The following PREX2 variants were observed in gnomAD, a reference collection of about 807,000 sequenced individuals.
PREX2 encodes phosphatidylinositol 3,4,5-trisphosphate-dependent Rac exchanger 2 protein.
PREX2 carries 107 observed loss-of-function variants against 203.2 expected under a neutral mutation model. That is an observed-to-expected ratio of 0.53 (90% CI 0.45 to 0.62). The LOEUF (loss-of-function observed/expected upper bound fraction) is 0.62, where lower values mean the gene tolerates loss of function less well. Ranked by LOEUF, PREX2 falls within the 20% of genes least tolerant of loss-of-function variation. The pLI is 0.00. For missense variants in PREX2, 1,777 were observed against 1,955.9 expected (o/e 0.91, Z 1.72); for synonymous variants, 672 against 663.6 (o/e 1.01, Z -0.19).
intron 1 of PREX2, among the ~76,000 whole-genome samples, chr8:67,969,644 G>A (rs916481705): frequency 3.3e-5 from 5 of 152,176 alleles, no homozygotes; most frequent in Non-Finnish European, 7.3e-5. Context: ...GTTTATTAAT[G>A]TTTTATGATT....
intron 3 of PREX2, among the ~76,000 whole-genome samples, chr8:68,020,835 C>G (rs1053261148): frequency 1.3e-5 from 2 of 152,172 alleles, no homozygotes; most frequent in Non-Finnish European, 2.9e-5. Context: ...CTTAGTAACA[C>G]CTTATGAATC....
At chr8:68,200,438 T>C (rs1262171277) in intron 37 of PREX2, among the ~76,000 whole-genome samples, 1 of 152,066 alleles carries the variant, frequency 6.6e-6, no homozygotes, top group African/African-American at 2.4e-5. Context: ...TAAAATTTAT[T>C]CTAATTTAGT....
intron 35 of PREX2, among the ~76,000 whole-genome samples, chr8:68,182,610 A>G (rs973211324): frequency 8.6e-5 from 13 of 152,028 alleles, no homozygotes; most frequent in African/African-American, 3.1e-4. Context: ...GATTTTATGT[A>G]TATATATAGT....
At chr8:68,041,405 T>C (rs1808194907) in intron 7 of PREX2, among the ~76,000 whole-genome samples, 1 of 152,170 alleles carries the variant, frequency 6.6e-6, no homozygotes, top group East Asian at 1.9e-4. Flanking sequence ...AATTCTGCCA[T>C]GTGGATTGTA....
rs375102708 is a variant in PREX2, at chr8:68,188,600, TG to T, written c.4347-3118del. Among the ~76,000 whole-genome samples, 63 of 152,298 alleles carry T rather than the reference TG, an allele frequency of 4.1e-4. No homozygotes were observed. The East Asian group carries it at 0.012, about 29-fold the overall frequency. ...TAATGGACTCATAGTTCCACGTGGC[TG>T]GGGAGGCCTCACAATCATGGCTGAA... On this transcript the variant is annotated intron_variant, in intron 35 of 39. Transcript: ENST00000288368.
intron 35 of PREX2, among the ~76,000 whole-genome samples, chr8:68,160,870 G>A (rs749121892): frequency 3.3e-5 from 5 of 151,774 alleles, no homozygotes; most frequent in Non-Finnish European, 5.9e-5. Flanking sequence ...TTACTCAAAA[G>A]GTAAACAAAA....
intron 10 of PREX2, among the ~76,000 whole-genome samples, 188 bp downstream of exon 10, chr8:68,056,162 A>G (rs1012881141): frequency 6.6e-6 from 1 of 152,118 alleles, no homozygotes; most frequent in African/African-American, 2.4e-5. Flanking sequence ...ATGACCAGGA[A>G]ACTTAAGGCA....
At chr8:68,020,396 A>G (rs1383354028) in intron 3 of PREX2, among the ~76,000 whole-genome samples, 2 of 152,044 alleles carry the variant, frequency 1.3e-5, no homozygotes, top group African/African-American at 4.8e-5. Context: ...TAATTTTGAG[A>G]ATACCAGTAT....
intron 32 of PREX2, among the ~76,000 whole-genome samples, chr8:68,136,425 C>G (rs1169595267): frequency 3.3e-5 from 5 of 152,176 alleles, no homozygotes; most frequent in African/African-American, 7.2e-5. Context: ...ATGTGAATGG[C>G]TCTAGGAGCA....
rs148257020 is a variant in PREX2 at position 68,191,297 on chromosome 8, A to T, written c.4347-425A>T. Among the ~76,000 whole-genome samples, 479 of 152,324 alleles carry T rather than the reference A, an allele frequency of 3.1e-3. 5 individuals carry two copies. The highest frequency in any genetic ancestry group is 0.01 in the African/African-American group (427 of 41,580). ...TCTCACAATAAATGAAAATTGGATA[A>T]CGTTCTTCAATAGTCACAAAAATGT... On this transcript the variant is annotated intron_variant, in intron 35 of 39. Transcript: ENST00000288368.
At chr8:68,100,572 G>T (rs189288461) in intron 23 of PREX2, among the ~76,000 whole-genome samples, 4 of 152,304 alleles carry the variant, frequency 2.6e-5, no homozygotes, top group Admixed American at 2.6e-4. Flanking sequence ...ATTGGAGAGA[G>T]AAGCCTCCAG....
Position 68,037,838 on chromosome 8 carries a change from A to C in PREX2, c.706-321A>C, listed in dbSNP as rs1486985057. ...AAAGAAAGAGAAATTATAATTGTTAACATTATGAATTAATTTGAAGTCATC... is the reference window on the plus strand; with the variant it reads ...AAAGAAAGAGAAATTATAATTGTTACCATTATGAATTAATTTGAAGTCATC... On this transcript the variant is annotated intron_variant, in intron 6 of 39. Transcript: ENST00000288368. Among the ~76,000 whole-genome samples the C allele has an allele frequency of 2.0e-5, 3 of 152,322 alleles. No homozygotes were observed. The East Asian group carries it at 5.8e-4, about 29-fold the overall frequency.
intron 35 of PREX2, among the ~76,000 whole-genome samples, chr8:68,162,396 CAATT>C (rs1271992625): frequency 2.6e-5 from 4 of 152,102 alleles, no homozygotes; most frequent in Middle Eastern, 3.4e-3. Flanking sequence ...TTATGTTTAA[CAATT>C]AATGTTTCAG....
In PREX2 at chr8:68,121,080, A is replaced by G. The variant is rs756158316; in HGVS notation, c.3724+31A>G. On this transcript the variant is annotated intron_variant, in intron 30 of 39. Transcript: ENST00000288368. ...CATGAAAAGCAAAGAACATTGCATG[A>G]TATTAGCAATAATCAATTTAAAACC... 18 of 1,605,572 alleles carry G rather than the reference A, an allele frequency of 1.1e-5. No individual in the cohort carries two copies. In the Admixed American group the frequency reaches 2.8e-4, roughly 25 times the overall value.
At chr8:68,134,568 A>G (rs1042780729) in intron 32 of PREX2, among the ~76,000 whole-genome samples, 2 of 152,176 alleles carry the variant, frequency 1.3e-5, no homozygotes, top group Non-Finnish European at 2.9e-5. Context: ...GAAGGTCATC[A>G]GAAGAAAAAG....
chr8:68,016,072 G>C (rs1042940793), intron 1 of PREX2, among the ~76,000 whole-genome samples: 3 of 152,160 alleles, frequency 2.0e-5, no homozygotes, highest in African/African-American at 7.2e-5. Flanking sequence ...GCGAGATCTT[G>C]TGGCTCATTA....
At chr8:68,160,143 TC>T (rs961116471) in intron 35 of PREX2, among the ~76,000 whole-genome samples, 2 of 152,168 alleles carry the variant, frequency 1.3e-5, no homozygotes, top group African/African-American at 4.8e-5. Context: ...TCAGTTAGAA[TC>T]CTGGAAGTTT....
chr8:68,135,752 A>G (rs1386444584), intron 32 of PREX2, among the ~76,000 whole-genome samples: 1 of 152,210 alleles, frequency 6.6e-6, no homozygotes, highest in African/African-American at 2.4e-5. Context: ...GAAAACTTAC[A>G]TTCACACAAA....
chr8:67,983,615 T>G (rs1471767362), intron 1 of PREX2, among the ~76,000 whole-genome samples: 1 of 152,194 alleles, frequency 6.6e-6, no homozygotes, highest in East Asian at 1.9e-4. Flanking sequence ...GATCCCAAAT[T>G]TCCAGCAGTA....
Sources: gnomAD v4.1 joint callset for allele counts (sites outside exome capture counted in the v4.1 genomes callset) on GRCh38, gnomAD v4.1.1 for gene constraint, MANE v1.5 for transcripts, NCBI Gene and HGNC (gene_info 2026-07-23, HGNC 2026-07-21) for gene names.